GRIN2B: variants seen among roughly 807,000 people sequenced by gnomAD.
GRIN2B encodes glutamate ionotropic receptor NMDA type subunit 2B, also known as glutamate receptor ionotropic, NMDA 2B.
Under a neutral mutation model 114.5 loss-of-function variants are expected in GRIN2B, and 5 were observed. The ratio of observed to expected loss-of-function variants is 0.04; its 90% CI spans 0.02 to 0.09. GRIN2B has a LOEUF of 0.09. Ranked by LOEUF, GRIN2B falls within the 10% of genes least tolerant of loss-of-function variation. GRIN2B has a pLI of 1.00. For missense variants in GRIN2B, 1,108 were observed against 1,943.5 expected (o/e 0.57, Z 8.08); for synonymous variants, 787 against 745.1 (o/e 1.06, Z -0.92).
chr12:13,849,065 C>T (rs1212164096), intron 3 of GRIN2B, among the ~76,000 whole-genome samples: 1 of 152,112 alleles, frequency 6.6e-6, no homozygotes, highest in South Asian at 2.1e-4. Flanking sequence ...AAATTAGTCA[C>T]CAATTTGTTC....
At chr12:13,711,730 C>A (rs1950417028) in intron 4 of GRIN2B, among the ~76,000 whole-genome samples, 1 of 152,158 alleles carries the variant, frequency 6.6e-6, no homozygotes, top group Non-Finnish European at 1.5e-5. Flanking sequence ...CAGGAAACGA[C>A]AGGTGCTGGA....
intron 5 of GRIN2B, among the ~76,000 whole-genome samples, chr12:13,641,096 A>ATTATTATTC (rs1337266329): frequency 6.6e-6 from 1 of 151,492 alleles, no homozygotes; most frequent in African/African-American, 2.4e-5. Context: ...TATTATTATT[A>ATTATTATTC]TTAGATGAAG....
At chr12:13,757,380 C>A (rs1383925212) in intron 3 of GRIN2B, among the ~76,000 whole-genome samples, 2 of 152,054 alleles carry the variant, frequency 1.3e-5, no homozygotes, top group Non-Finnish European at 2.9e-5. Flanking sequence ...CAAATTATGG[C>A]CATAGCCACA....
intron 3 of GRIN2B, among the ~76,000 whole-genome samples, chr12:13,857,884 A>C (rs887769675): frequency 6.6e-6 from 1 of 152,200 alleles, no homozygotes; most frequent in African/African-American, 2.4e-5. Context: ...TCCTTCGTTA[A>C]GTATGAGCAT....
At chr12:13,693,671 G>A (rs901944036) in intron 4 of GRIN2B, among the ~76,000 whole-genome samples, 4 of 152,140 alleles carry the variant, frequency 2.6e-5, no homozygotes, top group Admixed American at 2.0e-4. Context: ...TTCATAGTAT[G>A]CATTTTAAAT....
At chr12:13,604,037 T>C (rs1017571527) in intron 10 of GRIN2B, among the ~76,000 whole-genome samples, 11 of 152,152 alleles carry the variant, frequency 7.2e-5, no homozygotes, top group African/African-American at 2.4e-4. Flanking sequence ...CCAAGCTCTT[T>C]TTCCTTCATA....
At chr12:13,659,936 C>T (rs902754317) in intron 5 of GRIN2B, among the ~76,000 whole-genome samples, 1 of 152,172 alleles carries the variant, frequency 6.6e-6, no homozygotes, top group Non-Finnish European at 1.5e-5. Context: ...GGTCAGCTTC[C>T]AGACACGCTT....
intron 10 of GRIN2B, among the ~76,000 whole-genome samples, chr12:13,579,326 A>G (rs1229352224): frequency 1.3e-5 from 2 of 152,168 alleles, no homozygotes. Flanking sequence ...AAGGGATGAG[A>G]AACAGCAGAG....
chr12:13,723,169 T>C (rs1444684640), intron 4 of GRIN2B, among the ~76,000 whole-genome samples: 1 of 151,926 alleles, frequency 6.6e-6, no homozygotes, highest in Non-Finnish European at 1.5e-5. Flanking sequence ...CTTTAAGTTC[T>C]GGGATACATG....
chr12:13,949,448 T>C (rs1485606390), intron 2 of GRIN2B, among the ~76,000 whole-genome samples: 5 of 152,062 alleles, frequency 3.3e-5, no homozygotes, highest in African/African-American at 1.2e-4. Context: ...ACCCTTAATC[T>C]GAACACTCAA....
intron 5 of GRIN2B, among the ~76,000 whole-genome samples, chr12:13,632,793 C>T (rs1267800029): frequency 3.3e-5 from 5 of 152,218 alleles, no homozygotes; most frequent in South Asian, 2.1e-4. Context: ...ACCTAGAAAA[C>T]GTCTGTGGTT....
At chr12:13,817,664 A>C (rs1390018147) in intron 3 of GRIN2B, among the ~76,000 whole-genome samples, 1 of 152,212 alleles carries the variant, frequency 6.6e-6, no homozygotes, top group African/African-American at 2.4e-5. Flanking sequence ...GAGAATGGTT[A>C]TTATTTTTTT....
At chr12:13,795,899 A>T (rs1864411201) in intron 3 of GRIN2B, among the ~76,000 whole-genome samples, 1 of 151,958 alleles carries the variant, frequency 6.6e-6, no homozygotes, top group South Asian at 2.1e-4. Flanking sequence ...ACGTGGACAA[A>T]GGGCGGGGAA....
intron 5 of GRIN2B, among the ~76,000 whole-genome samples, chr12:13,641,061 A>G (rs1469255879): frequency 6.7e-6 from 1 of 149,238 alleles, no homozygotes. Flanking sequence ...CTGCTACTTA[A>G]TTGTATCATG....
intron 3 of GRIN2B, among the ~76,000 whole-genome samples, chr12:13,787,147 T>G (rs980978366): frequency 3.9e-5 from 6 of 152,176 alleles, no homozygotes; most frequent in African/African-American, 1.4e-4. Flanking sequence ...AAATGCAGGA[T>G]CATGTCTAAC....
In GRIN2B at chr12:13,563,520, T is replaced by A; in HGVS notation, c.3718A>T (p.Ile1240Phe). ...TGQNSGRQAC[I>F]RCEACKKAGN... ...GCTTTCTTGCAAGCCTCACACCGGA[T>A]GCACGCCTGCCTGCCCGAGTTCTGA... The change falls in exon 14 of 14, where the codon ATC becomes TTC. Residue 1240 changes from isoleucine to phenylalanine, a missense_variant. Around this residue, in one of 19 missense-constraint regions of GRIN2B, gnomAD observed 478 missense variants for 506.0 expected, o/e 0.94. Transcript: ENST00000609686. 6.2e-7 allele frequency: 1 copy of A among 1,614,146 alleles called. No individual in the cohort carries two copies. Among genetic ancestry groups the A allele is most frequent in the South Asian group, 1.1e-5 (1 of 91,088 alleles).
At chr12:13,833,661 A>G (rs10492139) in intron 3 of GRIN2B, among the ~76,000 whole-genome samples, 31,338 of 152,148 alleles carry the variant, frequency 0.21, 3,451 homozygotes, top group Non-Finnish European at 0.23. Flanking sequence ...AGGTGCAAAC[A>G]TGGGACTGAT....
intron 4 of GRIN2B, among the ~76,000 whole-genome samples, chr12:13,687,720 C>T (rs2300244): frequency 0.55 from 83,064 of 152,088 alleles, 23,190 homozygotes; most frequent in Middle Eastern, 0.6. Flanking sequence ...TCATCTTTAA[C>T]ACATGAATGA....
intron 9 of GRIN2B, among the ~76,000 whole-genome samples, chr12:13,609,367 T>C (rs1949330773): frequency 6.6e-6 from 1 of 152,224 alleles, no homozygotes; most frequent in Admixed American, 6.5e-5. Flanking sequence ...CACTTTTTCC[T>C]GATTTTTCTT....
Sources: gnomAD v4.1 joint callset for allele counts (sites outside exome capture counted in the v4.1 genomes callset) on GRCh38, gnomAD v4.1.1 for gene constraint, gnomAD v4.1.1 regional missense constraint, MANE v1.5 for transcripts, NCBI Gene and HGNC (gene_info 2026-07-23, HGNC 2026-07-21) for gene names.